Variants in ADAMTSL3 observed in about 807,000 individuals in gnomAD.
The protein encoded by ADAMTSL3 is ADAMTS-like protein 3.
Under a neutral mutation model 201.7 loss-of-function variants are expected in ADAMTSL3, and 128 were observed. The ratio of observed to expected loss-of-function variants is 0.63; its 90% CI spans 0.55 to 0.73. ADAMTSL3 has a LOEUF of 0.73. Among genes scored for constraint, ADAMTSL3 ranks in the 30% least tolerant of loss-of-function variants. The pLI, the probability that ADAMTSL3 is intolerant of heterozygous loss-of-function variation, is 0.00. For synonymous variants in ADAMTSL3, 738 were observed against 748.4 expected, an observed-to-expected ratio of 0.99 and a Z score of 0.23; for missense variants, 1,990 against 2,119.6, an observed-to-expected ratio of 0.94 and a Z score of 1.20.
intron 20 of ADAMTSL3, among the ~76,000 whole-genome samples, chr15:83,979,703 A>G (rs1466252971): frequency 2.6e-5 from 4 of 152,252 alleles, no homozygotes; most frequent in Non-Finnish European, 5.9e-5. Flanking sequence ...CTGATGCTAA[A>G]ACCAGAAAGA....
intron 19 of ADAMTSL3, among the ~76,000 whole-genome samples, chr15:83,947,013 G>A (rs2066667251): frequency 6.6e-6 from 1 of 152,230 alleles, no homozygotes; most frequent in South Asian, 2.1e-4. Context: ...AGCGCAGTCA[G>A]GCACACAACC....
At chr15:83,955,580 G>C (rs761347826) in intron 19 of ADAMTSL3, among the ~76,000 whole-genome samples, 1 of 152,004 alleles carries the variant, frequency 6.6e-6, no homozygotes, top group Non-Finnish European at 1.5e-5. Context: ...ATACTACCTG[G>C]ATATCACTTT....
intron 23 of ADAMTSL3, among the ~76,000 whole-genome samples, chr15:84,004,583 C>G (rs2067857931): frequency 6.6e-6 from 1 of 151,884 alleles, no homozygotes; most frequent in African/African-American, 2.4e-5. Context: ...GGAGTAAACT[C>G]AAATTAGGAG....
intron 21 of ADAMTSL3, among the ~76,000 whole-genome samples, chr15:83,983,683 A>G (rs2067429453): frequency 6.6e-6 from 1 of 152,216 alleles, no homozygotes; most frequent in African/African-American, 2.4e-5. Flanking sequence ...ATTAATAGTA[A>G]TCCTACATTA....
At chr15:83,913,906 A>C (rs2065981562) in intron 16 of ADAMTSL3, among the ~76,000 whole-genome samples, 1 of 152,238 alleles carries the variant, frequency 6.6e-6, no homozygotes, top group Admixed American at 6.5e-5. Flanking sequence ...TTGTATAGCC[A>C]GGTGACCCCT....
intron 4 of ADAMTSL3, among the ~76,000 whole-genome samples, chr15:83,788,313 A>C (rs1181120237): frequency 6.6e-6 from 1 of 152,050 alleles, no homozygotes; most frequent in Non-Finnish European, 1.5e-5. Context: ...GGCATCTTGG[A>C]ATCTCATTTT....
intron 3 of ADAMTSL3, among the ~76,000 whole-genome samples, chr15:83,717,058 G>A (rs965037201): frequency 1.3e-5 from 2 of 152,100 alleles, no homozygotes; most frequent in African/African-American, 4.8e-5. Context: ...ATAAAGCTAT[G>A]CTCTATTTAA....
chr15:83,670,258 CAAAAAAAAAAAAAAAA>C (rs60947988), intron 2 of ADAMTSL3, among the ~76,000 whole-genome samples: 1 of 64,524 alleles, frequency 1.5e-5, no homozygotes, highest in Non-Finnish European at 2.7e-5. Flanking sequence ...ACTCTGTCTC[CAAAAAAAAAAAAAAAA>C]AAAAAAAAAG....
chr15:83,922,041 T>C (rs2066155746), intron 16 of ADAMTSL3, among the ~76,000 whole-genome samples: 1 of 152,238 alleles, frequency 6.6e-6, no homozygotes, highest in South Asian at 2.1e-4. Flanking sequence ...ACTTGATGTA[T>C]TATGTCCTAA....
intron 4 of ADAMTSL3, among the ~76,000 whole-genome samples, chr15:83,793,027 T>C (rs2063367049): frequency 6.6e-6 from 1 of 152,162 alleles, no homozygotes; most frequent in African/African-American, 2.4e-5. Flanking sequence ...AATCCTATTA[T>C]TTGTGACAAT....
intron 3 of ADAMTSL3, among the ~76,000 whole-genome samples, chr15:83,760,544 C>T (rs2141702038): frequency 6.6e-6 from 1 of 152,148 alleles, no homozygotes; most frequent in Admixed American, 6.5e-5. Context: ...TGTATCGTTA[C>T]TTATTTTTTT....
At chr15:83,940,069 T>A (rs368522614) in intron 17 of ADAMTSL3, among the ~76,000 whole-genome samples, 3 of 152,244 alleles carry the variant, frequency 2.0e-5, no homozygotes, top group South Asian at 2.1e-4. Context: ...CAAACTTTTT[T>A]AATATATCAT....
At chr15:83,816,759 A>G (rs540510962) in intron 5 of ADAMTSL3, among the ~76,000 whole-genome samples, 1 of 152,292 alleles carries the variant, frequency 6.6e-6, no homozygotes, top group African/African-American at 2.4e-5. Flanking sequence ...TAATCCCAGC[A>G]CTTTGGGAGG....
At chr15:83,985,991 T>G (rs1425218577) in intron 21 of ADAMTSL3, among the ~76,000 whole-genome samples, 3 of 151,896 alleles carry the variant, frequency 2.0e-5, no homozygotes, top group Admixed American at 2.0e-4. Context: ...AACATAGTAG[T>G]CAAGAATACA....
At chr15:83,890,734 G>C (rs2141887097) in intron 11 of ADAMTSL3, 1 of 154,230 alleles carries the variant, frequency 6.5e-6, no homozygotes, top group Non-Finnish European at 1.4e-5. Context: ...TGCTGACTTG[G>C]ATTGCCTGGG....
intron 19 of ADAMTSL3, among the ~76,000 whole-genome samples, chr15:83,959,271 A>G (rs542594914): frequency 1.3e-5 from 2 of 152,208 alleles, no homozygotes; most frequent in South Asian, 4.1e-4. Context: ...ACTAAAAAAT[A>G]TACAAAAATT....
intron 6 of ADAMTSL3, among the ~76,000 whole-genome samples, chr15:83,823,225 G>A (rs1469238343): frequency 1.5e-5 from 2 of 135,400 alleles, no homozygotes; most frequent in African/African-American, 2.9e-5. Flanking sequence ...AGGGGGAGGG[G>A]GAGGGAGAGG....
intron 19 of ADAMTSL3, among the ~76,000 whole-genome samples, chr15:83,951,717 A>AT (rs1264013902): frequency 1.3e-5 from 2 of 151,822 alleles, no homozygotes; most frequent in African/African-American, 4.8e-5. Flanking sequence ...CAGGTTTTGG[A>AT]TTTTTTCATG....
intron 5 of ADAMTSL3, among the ~76,000 whole-genome samples, chr15:83,814,365 AT>A (rs2063740639): frequency 6.6e-6 from 1 of 152,082 alleles, no homozygotes; most frequent in African/African-American, 2.4e-5. Context: ...TTGCTTTTAA[AT>A]CTCCTCACTT....
Sources: gnomAD v4.1 joint callset for allele counts (sites outside exome capture counted in the v4.1 genomes callset) on GRCh38, gnomAD v4.1.1 for gene constraint, MANE v1.5 for transcripts, NCBI Gene and HGNC (gene_info 2026-07-23, HGNC 2026-07-21) for gene names.